The following PDE1C variants were observed in gnomAD, a reference collection of about 807,000 sequenced individuals.
PDE1C encodes the protein phosphodiesterase 1C.
Under a neutral mutation model 93.1 loss-of-function variants are expected in PDE1C, and 62 were observed. The observed-to-expected ratio is 0.67, with a 90% CI of 0.54 to 0.82. The LOEUF (loss-of-function observed/expected upper bound fraction) is 0.82. Among genes scored for constraint, PDE1C ranks in the 40% least tolerant of loss-of-function variants. PDE1C has a pLI of 0.00. For missense variants in PDE1C, 742 were observed against 884.6 expected, an observed-to-expected ratio of 0.84 and a Z score of 2.04; for synonymous variants, 325 against 310.1, an observed-to-expected ratio of 1.05 and a Z score of -0.50.
At chr7:31,740,797 G>A in the PDE1C span, among the ~76,000 whole-genome samples, 690 of 152,226 alleles carry the variant, frequency 4.5e-3, 2 homozygotes, top group African/African-American at 0.016. Context: ...GGCCAGGCAC[G>A]GTGGCTTACA....
chr7:31,982,425 A>C (rs1342747117), intron 2 of PDE1C, among the ~76,000 whole-genome samples: 2 of 152,378 alleles, frequency 1.3e-5, no homozygotes, highest in Admixed American at 6.5e-5. Flanking sequence ...TAGGCATGAC[A>C]GTAAACTCTC....
intron 3 of PDE1C, among the ~76,000 whole-genome samples, chr7:32,133,179 T>C (rs572686721): frequency 2.0e-5 from 3 of 152,172 alleles, no homozygotes; most frequent in Non-Finnish European, 4.4e-5. Context: ...TGGACATATA[T>C]ACAGCGTTTA....
chr7:32,058,212 C>G (rs1336497770), intron 1 of PDE1C, among the ~76,000 whole-genome samples: 4 of 152,192 alleles, frequency 2.6e-5, no homozygotes, highest in Admixed American at 6.5e-5. Flanking sequence ...TCACTCTTCT[C>G]CAAGTCCTAT....
intron 3 of PDE1C, among the ~76,000 whole-genome samples, chr7:32,092,915 A>T (rs986288929): frequency 1.3e-5 from 2 of 152,166 alleles, no homozygotes; most frequent in African/African-American, 4.8e-5. Context: ...AAGGCAAGCA[A>T]TTGGCCCAAA....
intron 16 of PDE1C, among the ~76,000 whole-genome samples, chr7:31,807,019 T>A (rs75103387): frequency 0.011 from 1,622 of 152,070 alleles, 27 homozygotes; most frequent in African/African-American, 0.037. Context: ...CAAATTGCTT[T>A]CCACTTCCTG....
chr7:31,957,836 A>G (rs1338526459), intron 2 of PDE1C, among the ~76,000 whole-genome samples: 2 of 152,134 alleles, frequency 1.3e-5, no homozygotes, highest in Admixed American at 1.3e-4. Flanking sequence ...TGAAGCCACT[A>G]AGTAGCAACC....
the PDE1C span, among the ~76,000 whole-genome samples, chr7:31,694,270 G>A: frequency 1.3e-5 from 2 of 152,086 alleles, no homozygotes; most frequent in African/African-American, 4.8e-5. Context: ...CCTAAGTTTA[G>A]TGGAAGGTTA....
At chr7:32,067,483 A>T (rs1420973062) in intron 1 of PDE1C, among the ~76,000 whole-genome samples, 1 of 152,204 alleles carries the variant, frequency 6.6e-6, no homozygotes, top group East Asian at 1.9e-4. Flanking sequence ...TGGAATGTAT[A>T]GGGGACACCT....
chr7:32,006,404 G>T (rs1041796915), intron 2 of PDE1C, among the ~76,000 whole-genome samples: 1 of 152,150 alleles, frequency 6.6e-6, no homozygotes, highest in Non-Finnish European at 1.5e-5. Context: ...AGGGGTAGAG[G>T]ATATAAGATG....
At chr7:32,145,925 C>G (rs895818745) in intron 3 of PDE1C, among the ~76,000 whole-genome samples, 1 of 152,088 alleles carries the variant, frequency 6.6e-6, no homozygotes, top group African/African-American at 2.4e-5. Flanking sequence ...AAAAATAAAT[C>G]AGTGAAAACT....
chr7:32,049,978 G>C (rs543680679), intron 2 of PDE1C, among the ~76,000 whole-genome samples: 18 of 152,266 alleles, frequency 1.2e-4, no homozygotes, highest in African/African-American at 4.3e-4. Flanking sequence ...TACATGCCTA[G>C]GCTGTTGGTA....
chr7:32,350,533 C>T (rs1391629097), intron 1 of PDE1C, among the ~76,000 whole-genome samples: 1 of 148,472 alleles, frequency 6.7e-6, no homozygotes, highest in African/African-American at 2.6e-5. Flanking sequence ...AAGGTCTATG[C>T]ATGGCATTTG....
At chr7:31,820,139 A>T (rs1324800212) in intron 14 of PDE1C, among the ~76,000 whole-genome samples, 2 of 152,158 alleles carry the variant, frequency 1.3e-5, no homozygotes, top group Admixed American at 6.5e-5. Context: ...AAAATATTCA[A>T]AAGAAAGGCC....
intron 16 of PDE1C, among the ~76,000 whole-genome samples, chr7:31,776,014 A>G (rs190782144): frequency 1.3e-5 from 2 of 151,936 alleles, no homozygotes; most frequent in Non-Finnish European, 1.5e-5. Context: ...TCACAGGGGA[A>G]GTTTTCTAAA....
chr7:32,039,274 T>C (rs2128656009), intron 2 of PDE1C, among the ~76,000 whole-genome samples: 1 of 152,200 alleles, frequency 6.6e-6, no homozygotes, highest in Admixed American at 6.5e-5. Context: ...ACACTTGTAG[T>C]TACTAAAATT....
At chr7:31,641,329 C>A in the PDE1C span, among the ~76,000 whole-genome samples, 2 of 152,168 alleles carry the variant, frequency 1.3e-5, no homozygotes, top group East Asian at 1.9e-4. Context: ...ACTTCCCACA[C>A]ACATACCTAA....
chr7:31,880,435 C>T (rs1043962681), intron 3 of PDE1C, among the ~76,000 whole-genome samples: 1 of 152,174 alleles, frequency 6.6e-6, no homozygotes, highest in South Asian at 2.1e-4. Flanking sequence ...ACAATAATTA[C>T]AATGGAGCTC....
the PDE1C span, chr7:31,658,550 A>C: frequency 2.2e-6 from 1 of 448,456 alleles, no homozygotes; most frequent in Non-Finnish European, 3.6e-6. Context: ...TGCATACGTA[A>C]TTTCAAATTG....
At chr7:32,051,666 T>TG (rs1281146847) in intron 1 of PDE1C, 86 bp from the exon 2 acceptor site, 1 of 1,103,508 alleles carries the variant, frequency 9.1e-7, no homozygotes, top group African/African-American at 1.5e-5. Flanking sequence ...GGGATGGGCA[T>TG]GGGGGTCAAC....
Sources: allele counts gnomAD v4.1 joint callset (sites outside exome capture counted in the v4.1 genomes callset), GRCh38; gene constraint gnomAD v4.1.1; transcripts MANE v1.5; gene names NCBI Gene and HGNC (gene_info 2026-07-23, HGNC 2026-07-21).